The following ZNF793 variants were observed in gnomAD, a reference collection of about 807,000 sequenced individuals.
The protein encoded by ZNF793 is zinc finger protein 793.
In ZNF793, 5 loss-of-function variants were observed where a neutral mutation model predicts 12.4. The ratio of observed to expected loss-of-function variants is 0.40; its 90% CI spans 0.21 to 0.84. The LOEUF (loss-of-function observed/expected upper bound fraction) is 0.84, where lower values mean the gene tolerates loss of function less well. ZNF793 is among the 40% of genes least tolerant of loss of function. The probability of loss-of-function intolerance (pLI) is 0.35; values close to 1 mark genes in which losing one functional copy is unlikely to be tolerated. For synonymous variants in ZNF793, 162 were observed against 172.4 expected, an observed-to-expected ratio of 0.94 and a Z score of 0.47; for missense variants, 456 against 495.0, an observed-to-expected ratio of 0.92 and a Z score of 0.75.
intron 1 of ZNF793, chr19:37,507,258 A>G (rs1457729520): frequency 6.6e-6 from 1 of 152,656 alleles, no homozygotes; most frequent in Non-Finnish European, 1.5e-5. Flanking sequence ...GTGTGTGGGA[A>G]TCAATAAATG....
At chr19:37,517,648 A>G (rs984761202) in intron 2 of ZNF793, among the ~76,000 whole-genome samples, 22 of 152,220 alleles carry the variant, frequency 1.4e-4, no homozygotes, top group Admixed American at 1.4e-3. Context: ...TTTATGTAGA[A>G]ATGGAGTAGG....
At chr19:37,519,307 T>C (rs541840742) in intron 2 of ZNF793, among the ~76,000 whole-genome samples, 1 of 152,250 alleles carries the variant, frequency 6.6e-6, no homozygotes, top group South Asian at 2.1e-4. Context: ...TTCAGAAAGC[T>C]GGAATATCCT....
Position 37,514,186 on chromosome 19 carries a change from T to C in ZNF793, c.-276+5783T>C, listed in dbSNP as rs540610446. On this transcript the variant is annotated intron_variant, in intron 2 of 7. Coordinates refer to ENST00000627814, the MANE Select transcript of ZNF793 (RefSeq NM_001013659.3). ...GCAAAAGATTTTTTCAGAATACATATGTAAAACTTCCTTAAGAAGAGAAAA... is the reference window on the plus strand; with the variant it reads ...GCAAAAGATTTTTTCAGAATACATACGTAAAACTTCCTTAAGAAGAGAAAA... Among the ~76,000 whole-genome samples the C allele has an allele frequency of 5.9e-5, 9 of 152,304 alleles. No homozygotes were observed. In the South Asian group the frequency reaches 1.0e-3, roughly 18 times the overall value.
chr19:37,511,034 G>A (rs760411216), intron 2 of ZNF793, among the ~76,000 whole-genome samples: 11 of 152,058 alleles, frequency 7.2e-5, no homozygotes, highest in Non-Finnish European at 1.5e-4. Flanking sequence ...TAATACACAT[G>A]TAGTGAAGTG....
In ZNF793 at chr19:37,538,120, T is replaced by C. The variant is rs533515247; in HGVS notation, c.*241T>C. On this transcript the variant is annotated 3_prime_UTR_variant, in exon 8 of 8. Transcript: ENST00000627814. ...TTAGTAGAGACGGGGTTTCACCGTGTTAGCCAGGATGGTCTCGATCTCCTG... is the reference window on the plus strand; with the variant it reads ...TTAGTAGAGACGGGGTTTCACCGTGCTAGCCAGGATGGTCTCGATCTCCTG... The C allele has an allele frequency of 5.2e-5, 20 of 387,200 alleles. No homozygotes were observed. The highest frequency in any genetic ancestry group is 7.2e-4 in the Middle Eastern group (1 of 1,384). The allele number at this position is 387,200 out of a possible 1,614,324, so 24.0% of individuals were successfully genotyped here.
chr19:37,514,583 T>C (rs746465971), intron 2 of ZNF793, among the ~76,000 whole-genome samples: 2 of 54,074 alleles, frequency 3.7e-5, no homozygotes, highest in East Asian at 1.2e-3. Context: ...GACAGATAGA[T>C]AGATAGATAG....
chr19:37,521,915 T>C (rs1467406101), intron 3 of ZNF793, among the ~76,000 whole-genome samples: 1 of 152,140 alleles, frequency 6.6e-6, no homozygotes, highest in African/African-American at 2.4e-5. Context: ...TGTTATATCA[T>C]AAATATATCA....
At chr19:37,528,664 G>C (rs1361187745) in intron 5 of ZNF793, among the ~76,000 whole-genome samples, 4 of 152,082 alleles carry the variant, frequency 2.6e-5, no homozygotes, top group African/African-American at 9.7e-5. Flanking sequence ...TGACTGTCCT[G>C]CTCCTTCACA....
intron 3 of ZNF793, among the ~76,000 whole-genome samples, chr19:37,522,163 C>T (rs566930093): frequency 2.6e-5 from 4 of 152,200 alleles, no homozygotes; most frequent in African/African-American, 7.2e-5. Context: ...CAGATGTCAA[C>T]TAATACTGTC....
chr19:37,515,446 C>T (rs1014711640), intron 2 of ZNF793, among the ~76,000 whole-genome samples: 14 of 151,898 alleles, frequency 9.2e-5, no homozygotes, highest in African/African-American at 3.1e-4. Context: ...TAGCTAGGAC[C>T]ACAGGTGCCC....
At chr19:37,507,729 G>T (rs781618509) in intron 1 of ZNF793, among the ~76,000 whole-genome samples, 1 of 152,188 alleles carries the variant, frequency 6.6e-6, no homozygotes, top group Admixed American at 6.5e-5. Context: ...ATCCTCAGTC[G>T]TTGGGATATC....
At chr19:37,520,406 T>G (rs895562904) in intron 3 of ZNF793, 94 bp downstream of exon 3, 1 of 152,230 alleles carries the variant, frequency 6.6e-6, no homozygotes, top group Non-Finnish European at 1.5e-5. Flanking sequence ...GAAAATTCCC[T>G]TCTGAAGGAA....
At chr19:37,525,899 CA>C (rs1397546943) in intron 5 of ZNF793, among the ~76,000 whole-genome samples, 2 of 152,182 alleles carry the variant, frequency 1.3e-5, no homozygotes, top group Non-Finnish European at 2.9e-5. Flanking sequence ...AACAGTTACA[CA>C]TCTTATTCCT....
chr19:37,518,142 C>T (rs2042347119), intron 2 of ZNF793, among the ~76,000 whole-genome samples: 1 of 151,674 alleles, frequency 6.6e-6, no homozygotes, highest in Non-Finnish European at 1.5e-5. Context: ...TTATTATTTT[C>T]TGAGGCAGAG....
chr19:37,529,756 G>GTGC (rs1319760199), intron 5 of ZNF793, among the ~76,000 whole-genome samples: 4 of 152,214 alleles, frequency 2.6e-5, no homozygotes, highest in Non-Finnish European at 5.9e-5. Context: ...GCCTCCTGAA[G>GTGC]TGCTGGGATT....
At chr19:37,510,363 AAATT>A (rs2042283966) in intron 2 of ZNF793, among the ~76,000 whole-genome samples, 2 of 151,400 alleles carry the variant, frequency 1.3e-5, no homozygotes, top group Admixed American at 6.6e-5. Context: ...AAAAAAAAAA[AAATT>A]AGCTGGGCTT....
chr19:37,507,688 G>A (rs1237496029), intron 1 of ZNF793, among the ~76,000 whole-genome samples: 4 of 152,186 alleles, frequency 2.6e-5, no homozygotes, highest in Non-Finnish European at 5.9e-5. Context: ...TCACTTGTGG[G>A]TGGGAGTGGG....
chr19:37,518,012 A>G (rs1383035700), intron 2 of ZNF793, among the ~76,000 whole-genome samples: 2 of 152,220 alleles, frequency 1.3e-5, no homozygotes, highest in Admixed American at 1.3e-4. Context: ...TCGGACTTAC[A>G]TAATTTTAAA....
chr19:37,513,500 A>T (rs60159855), intron 2 of ZNF793, among the ~76,000 whole-genome samples: 13,173 of 152,244 alleles, frequency 0.087, 824 homozygotes, highest in African/African-American at 0.18. Flanking sequence ...AGACCTTCTG[A>T]ATCACAAAGA....
Sources: gnomAD v4.1 joint callset for allele counts (sites outside exome capture counted in the v4.1 genomes callset) on GRCh38, gnomAD v4.1.1 for gene constraint, MANE v1.5 for transcripts, NCBI Gene and HGNC (gene_info 2026-07-23, HGNC 2026-07-21) for gene names.